Variants in RAB27B observed in about 807,000 individuals in gnomAD.
The protein encoded by RAB27B is RAB27B, member RAS oncogene family.
In RAB27B, 15 loss-of-function variants were observed where a neutral mutation model predicts 24.6. That is an observed-to-expected ratio of 0.61 (90% CI 0.41 to 0.94). RAB27B has a LOEUF of 0.94. Among genes scored for constraint, RAB27B ranks in the 40% least tolerant of loss-of-function variants. The pLI, the probability that RAB27B is intolerant of heterozygous loss-of-function variation, is 0.00. For synonymous variants in RAB27B, 105 were observed against 92.5 expected (o/e 1.14, Z -0.78); for missense variants, 261 against 266.8 (o/e 0.98, Z 0.15).
In RAB27B at chr18:54,819,734, TA is replaced by T. The variant is rs540870827; in HGVS notation, c.-19-57831del. Among the ~76,000 whole-genome samples the T allele has an allele frequency of 1.8e-4, 27 of 151,982 alleles. 1 individual carries two copies. The East Asian group carries it at 5.0e-3, about 28-fold the overall frequency. ...GTGCTGCACCCATTAACTCGTCATT[TA>T]ACATTAGGTATATCTCCTAATGCTA... On this transcript the variant is annotated intron_variant, in intron 2 of 4. Transcript: ENST00000586570.
At chr18:54,886,972 A>G (rs1190158779) in intron 4 of RAB27B, among the ~76,000 whole-genome samples, 1 of 144,076 alleles carries the variant, frequency 6.9e-6, no homozygotes, top group African/African-American at 2.6e-5. Context: ...TTTTCTTACC[A>G]TGCCCTTCCT....
chr18:54,776,168 G>A (rs1026360819), intron 2 of RAB27B, among the ~76,000 whole-genome samples: 1 of 152,230 alleles, frequency 6.6e-6, no homozygotes, highest in African/African-American at 2.4e-5. Flanking sequence ...TTTCTGATGA[G>A]GAAAGAAATT....
In RAB27B at chr18:54,891,735, A is replaced by C. The variant is rs1339014858; in HGVS notation, c.*2322A>C. 1.3e-5 allele frequency: 2 copies of C among 152,100 alleles called. No individual in the cohort carries two copies. The highest frequency in any genetic ancestry group is 4.1e-4 in the South Asian group (2 of 4,820). The allele number at this position is 152,100 out of a possible 1,614,324, so 9.4% of individuals were successfully genotyped here. On this transcript the variant is annotated 3_prime_UTR_variant, in exon 6 of 6. Transcript: ENST00000262094. ...TTCTGTCACTGTCAGTTATTTAATG[A>C]GTGTTTTTTCAGGGTCTGTTTTAAG...
At chr18:54,769,973 T>C (rs974096864) in intron 2 of RAB27B, among the ~76,000 whole-genome samples, 1 of 152,202 alleles carries the variant, frequency 6.6e-6, no homozygotes, top group Non-Finnish European at 1.5e-5. Flanking sequence ...GTTCAAGTGA[T>C]TCTCCTGCCT....
Position 54,790,251 on chromosome 18 carries a change from A to G in RAB27B, c.-20+72110A>G, listed in dbSNP as rs1343030129. On this transcript the variant is annotated intron_variant, in intron 2 of 4. Coordinates refer to the RAB27B transcript ENST00000586570. ...TGTGAGGTATGGCATATTTAAGAGAAAAAAAAGATATAAACCAGATGGTTG... is the reference window on the plus strand; with the variant it reads ...TGTGAGGTATGGCATATTTAAGAGAGAAAAAAGATATAAACCAGATGGTTG... Among the ~76,000 whole-genome samples the G allele has an allele frequency of 2.6e-5, 4 of 152,102 alleles. No individual in the cohort carries two copies. In the East Asian group the frequency reaches 7.7e-4, roughly 29 times the overall value.
At position 54,879,365 on chromosome 18, in the gene RAB27B, T is replaced by C; in HGVS notation, c.154-4T>C. 1 of 1,607,800 alleles carries C rather than the reference T, an allele frequency of 6.2e-7. No individual in the cohort carries two copies. On this transcript the variant is annotated splice_region_variant and splice_polypyrimidine_tract_variant and intron_variant, in intron 2 of 5. Coordinates refer to ENST00000262094, the MANE Select transcript of RAB27B (RefSeq NM_004163.4). ...CCTCAACTAATGAACGTTGTATCTT[T>C]CAGGTTTATAATGCACAAGGACCGA...
At chr18:54,792,909 G>T (rs1455311383) in intron 2 of RAB27B, among the ~76,000 whole-genome samples, 3 of 152,202 alleles carry the variant, frequency 2.0e-5, no homozygotes, top group Admixed American at 2.0e-4. Context: ...AGTTTTGACT[G>T]TAGGGGAATT....
At chr18:54,760,862 C>T (rs1908164303) in intron 2 of RAB27B, among the ~76,000 whole-genome samples, 1 of 152,002 alleles carries the variant, frequency 6.6e-6, no homozygotes, top group African/African-American at 2.4e-5. Context: ...TAAAGCATTA[C>T]AGCTAGATGA....
At chr18:54,767,944 AATG>A (rs981037122) in intron 2 of RAB27B, among the ~76,000 whole-genome samples, 2 of 152,212 alleles carry the variant, frequency 1.3e-5, no homozygotes, top group African/African-American at 4.8e-5. Flanking sequence ...AAAATTAAAT[AATG>A]ATCAGGGATA....
intron 2 of RAB27B, among the ~76,000 whole-genome samples, chr18:54,735,061 G>A (rs1909847727): frequency 6.6e-6 from 1 of 152,112 alleles, no homozygotes. Flanking sequence ...CAAAATTACT[G>A]AGTCACATTA....
At chr18:54,749,660 T>C (rs540612967) in intron 2 of RAB27B, among the ~76,000 whole-genome samples, 5 of 152,332 alleles carry the variant, frequency 3.3e-5, no homozygotes, top group African/African-American at 1.2e-4. Context: ...AAAAGAATGT[T>C]ATATTTTTTA....
At chr18:54,871,781 C>T (rs1187205809) in intron 1 of RAB27B, among the ~76,000 whole-genome samples, 1 of 138,646 alleles carries the variant, frequency 7.2e-6, no homozygotes, top group Non-Finnish European at 1.5e-5. Flanking sequence ...ACCTGGGAGG[C>T]GGAGCCTGCA....
At chr18:54,822,814 C>T (rs572124748) in intron 2 of RAB27B, among the ~76,000 whole-genome samples, 2 of 152,094 alleles carry the variant, frequency 1.3e-5, no homozygotes, top group African/African-American at 4.8e-5. Flanking sequence ...ATGGCATACC[C>T]ACACTACTGT....
At chr18:54,884,100 TA>T (rs1913033576) in intron 3 of RAB27B, among the ~76,000 whole-genome samples, 1 of 152,016 alleles carries the variant, frequency 6.6e-6, no homozygotes, top group South Asian at 2.1e-4. Context: ...AAACTGTGTG[TA>T]TAAAGTGCTG....
intron 2 of RAB27B, among the ~76,000 whole-genome samples, chr18:54,795,664 G>A (rs535528914): frequency 1.6e-4 from 24 of 152,172 alleles, no homozygotes; most frequent in Admixed American, 1.4e-3. Context: ...CCTTTCCTGA[G>A]GAAGAAACTC....
chr18:54,765,683 A>G (rs1006517665), intron 2 of RAB27B, among the ~76,000 whole-genome samples: 1 of 152,182 alleles, frequency 6.6e-6, no homozygotes, highest in African/African-American at 2.4e-5. Flanking sequence ...CAAGAAATCT[A>G]GAGTCATTTT....
intron 2 of RAB27B, among the ~76,000 whole-genome samples, chr18:54,797,402 T>C (rs1909458556): frequency 6.6e-6 from 1 of 152,176 alleles, no homozygotes; most frequent in African/African-American, 2.4e-5. Context: ...GGTATGTGCC[T>C]GTAGTCCCAG....
At chr18:54,741,077 A>G (rs971248547) in intron 2 of RAB27B, among the ~76,000 whole-genome samples, 1 of 152,214 alleles carries the variant, frequency 6.6e-6, no homozygotes, top group African/African-American at 2.4e-5. Flanking sequence ...TAGCATACAA[A>G]ACCTAAGAGG....
At chr18:54,862,749 G>A (rs1389547680) in intron 1 of RAB27B, among the ~76,000 whole-genome samples, 4 of 152,304 alleles carry the variant, frequency 2.6e-5, no homozygotes, top group East Asian at 1.9e-4. Flanking sequence ...CTCCAGTTCT[G>A]ATCCAGGATT....
Sources: gnomAD v4.1 joint callset for allele counts (sites outside exome capture counted in the v4.1 genomes callset) on GRCh38, gnomAD v4.1.1 for gene constraint, MANE v1.5 for transcripts, NCBI Gene and HGNC (gene_info 2026-07-23, HGNC 2026-07-21) for gene names.